The following LAMB1 variants were observed in gnomAD, a reference collection of about 807,000 sequenced individuals.
The protein encoded by LAMB1 is laminin subunit beta-1.
LAMB1 carries 121 observed loss-of-function variants against 222.3 expected under a neutral mutation model. That is an observed-to-expected ratio of 0.54 (90% CI 0.47 to 0.63). LAMB1 has a LOEUF of 0.63. Ranked by LOEUF, LAMB1 falls within the 30% of genes least tolerant of loss-of-function variation. LAMB1 has a pLI of 0.00. For synonymous variants in LAMB1, 794 were observed against 807.2 expected, an observed-to-expected ratio of 0.98 and a Z score of 0.28; for missense variants, 2,172 against 2,240.8, an observed-to-expected ratio of 0.97 and a Z score of 0.62.
chr7:107,972,893 T>A, intron 13 of LAMB1, 99 bp downstream of exon 13: 1 of 927,448 alleles, frequency 1.1e-6, no homozygotes, highest in East Asian at 2.4e-5. Flanking sequence ...AAAAATATTT[T>A]GCATGTCTTT....
At chr7:107,977,832 T>C (rs2033898110) in intron 9 of LAMB1, among the ~76,000 whole-genome samples, 1 of 152,128 alleles carries the variant, frequency 6.6e-6, no homozygotes, top group South Asian at 2.1e-4. Flanking sequence ...GCTGCCAAAC[T>C]ACTCAGCTCA....
chr7:107,961,097 T>C, intron 17 of LAMB1, 109 bp downstream of exon 17: 2 of 1,255,070 alleles, frequency 1.6e-6, no homozygotes, highest in Non-Finnish European at 1.1e-6. Context: ...GAAAGAATGA[T>C]TCTGCTTACG....
intron 5 of LAMB1, among the ~76,000 whole-genome samples, chr7:107,988,928 A>T (rs1037336398): frequency 2.6e-5 from 4 of 152,316 alleles, no homozygotes; most frequent in South Asian, 2.1e-4. Context: ...AGTCCGTGAC[A>T]CTTTGTTATG....
chr7:107,978,918 C>T (rs891554730), intron 8 of LAMB1, among the ~76,000 whole-genome samples: 1 of 152,168 alleles, frequency 6.6e-6, no homozygotes, highest in African/African-American at 2.4e-5. Flanking sequence ...TGTATATGGG[C>T]ATCTCACCTT....
chr7:107,983,135 G>C (rs1030922831), intron 7 of LAMB1, among the ~76,000 whole-genome samples: 3 of 152,220 alleles, frequency 2.0e-5, no homozygotes, highest in Non-Finnish European at 4.4e-5. Flanking sequence ...TGTTTTACAA[G>C]AGAATGAATG....
At chr7:107,961,894 C>G (rs1277713441) in intron 15 of LAMB1, among the ~76,000 whole-genome samples, 1 of 152,180 alleles carries the variant, frequency 6.6e-6, no homozygotes, top group Non-Finnish European at 1.5e-5. Flanking sequence ...TGCCTCTTCC[C>G]AATGTCCCTT....
intron 29 of LAMB1, 33 bp downstream of exon 29, chr7:107,931,323 A>G: frequency 6.3e-7 from 1 of 1,585,732 alleles, no homozygotes; most frequent in Non-Finnish European, 8.6e-7. Context: ...CACAGAAACA[A>G]ATGTCTAAAA....
At chr7:107,926,089 C>T in intron 32 of LAMB1, 94 bp downstream of exon 32, 1 of 880,184 alleles carries the variant, frequency 1.1e-6, no homozygotes, top group Non-Finnish European at 1.8e-6. Context: ...AATTCTGTTT[C>T]TGTTAGGTCC....
At chr7:107,929,286 C>A in intron 30 of LAMB1, 81 bp from the exon 31 acceptor site, 1 of 1,551,244 alleles carries the variant, frequency 6.4e-7, no homozygotes, top group Non-Finnish European at 8.9e-7. Context: ...TAAAGAATAG[C>A]CTTCCTGAAA....
chr7:107,996,665 CTCT>C (rs2034286835), intron 4 of LAMB1, among the ~76,000 whole-genome samples: 4 of 152,338 alleles, frequency 2.6e-5, no homozygotes, highest in African/African-American at 9.6e-5. Flanking sequence ...ACTGGAAAAT[CTCT>C]TCTTTCTGGC....
In LAMB1 at chr7:107,955,537, C is replaced by T. The variant is rs1306955949; in HGVS notation, c.2784G>A (p.Gln928=). Residue 928 remains glutamine, a synonymous_variant, in exon 21 of 34, where the codon CAG becomes CAA. Transcript: ENST00000222399. The part of the protein sequence containing the change: ...PCPDGPDSGR[Q]FARSCYQDPV... ...GATCTTGGTAGCAGCTCCTGGCAAA[C>T]TGGCGTCCACTGTCGGGACCATCTG... 8 of 1,614,116 alleles carry T rather than the reference C, an allele frequency of 5.0e-6. No homozygotes were observed. The South Asian group carries it at 8.8e-5, about 18-fold the overall frequency.
intron 3 of LAMB1, among the ~76,000 whole-genome samples, chr7:108,001,192 G>A (rs744197): frequency 7.2e-5 from 11 of 152,186 alleles, no homozygotes; most frequent in African/African-American, 2.4e-4. Context: ...TGCGGTAGAG[G>A]GGGGTGGGGA....
At chr7:107,955,239 C>T (rs566517583) in intron 21 of LAMB1, among the ~76,000 whole-genome samples, 3 of 152,278 alleles carry the variant, frequency 2.0e-5, no homozygotes, top group Non-Finnish European at 4.4e-5. Flanking sequence ...TAGATTTCCA[C>T]GAGCTTACTT....
In LAMB1 at chr7:107,990,033, TTTTG is replaced by T. The variant is rs1395760207; in HGVS notation, c.424-3674_424-3671del. 1.1e-4 allele frequency among the ~76,000 whole-genome samples: 16 copies of T among 151,886 alleles called. No individual in the cohort carries two copies. The South Asian group carries it at 1.5e-3, about 14-fold the overall frequency. ...AGACCTATGAGTTTTTTGTGTTTTT[TTTTG>T]TTTGTTTGTTTTGTTTTTTGAGATA... On this transcript the variant is annotated intron_variant, in intron 5 of 33. Coordinates refer to ENST00000222399, the MANE Select transcript of LAMB1 (RefSeq NM_002291.3).
intron 14 of LAMB1, among the ~76,000 whole-genome samples, chr7:107,963,397 A>G (rs973682999): frequency 3.3e-5 from 5 of 152,224 alleles, no homozygotes; most frequent in African/African-American, 1.2e-4. Flanking sequence ...TCTAGGAATC[A>G]TAAGGTGCTT....
intron 26 of LAMB1, chr7:107,936,201 T>C (rs2032842429): frequency 6.6e-6 from 1 of 152,414 alleles, no homozygotes; most frequent in Non-Finnish European, 1.5e-5. Context: ...TATTAGGTAT[T>C]GTAAGTAATC....
At chr7:107,960,335 C>T (rs752588669) in intron 18 of LAMB1, 110 bp downstream of exon 18, 2 of 721,380 alleles carry the variant, frequency 2.8e-6, no homozygotes, top group Non-Finnish European at 4.8e-6. Context: ...CACTATTTCC[C>T]TTGTGCTGCC....
At chr7:107,952,536 T>G (rs2033280396) in intron 22 of LAMB1, among the ~76,000 whole-genome samples, 2 of 152,206 alleles carry the variant, frequency 1.3e-5, no homozygotes, top group South Asian at 4.1e-4. Context: ...TGGAAATAAT[T>G]TTAAAAAATG....
At chr7:107,960,216 T>A (rs1185554999) in intron 18 of LAMB1, among the ~76,000 whole-genome samples, 7 of 152,204 alleles carry the variant, frequency 4.6e-5, no homozygotes, top group Non-Finnish European at 8.8e-5. Flanking sequence ...CATGGACTTT[T>A]CCCCTGGTCA....
Sources: allele counts gnomAD v4.1 joint callset (sites outside exome capture counted in the v4.1 genomes callset), GRCh38; gene constraint gnomAD v4.1.1; transcripts MANE v1.5; gene names NCBI Gene and HGNC (gene_info 2026-07-23, HGNC 2026-07-21).